UNC45B: variants seen among roughly 807,000 people sequenced by gnomAD.
The protein encoded by UNC45B is protein unc-45 homolog B.
UNC45B carries 78 observed loss-of-function variants against 98.7 expected under a neutral mutation model. The observed-to-expected ratio is 0.79, with a 90% CI of 0.66 to 0.95. The LOEUF (loss-of-function observed/expected upper bound fraction) is 0.95, where lower values mean the gene tolerates loss of function less well. Among genes scored for constraint, UNC45B ranks in the 40% least tolerant of loss-of-function variants. UNC45B has a pLI of 0.00. For synonymous variants in UNC45B, 462 were observed against 480.4 expected (o/e 0.96, Z 0.50); for missense variants, 1,225 against 1,184.9 (o/e 1.03, Z -0.50).
rs1362356584 is a variant in UNC45B at position 35,186,693 on chromosome 17, G to A, written c.*134G>A. ...AAGTCTCAATATAAAGGAAAGACTT[G>A]ATTGTTCTCTGAGTTGTGAGTCTTC... is the stretch of plus-strand genomic sequence containing the variant. On this transcript the variant is annotated 3_prime_UTR_variant, in exon 20 of 20. Coordinates refer to ENST00000394570, the MANE Select transcript of UNC45B (RefSeq NM_001267052.2). 3.8e-6 allele frequency: 4 copies of A among 1,051,312 alleles called. No homozygotes were observed. In the African/African-American group the frequency reaches 4.8e-5, roughly 13 times the overall value. The allele number at this position is 1,051,312 out of a possible 1,614,324, so 65.1% of individuals were successfully genotyped here. A position where few individuals can be genotyped will look rare whatever the true frequency, so the allele number is the denominator to read the frequency against.
chr17:35,174,512 G>GCT, intron 14 of UNC45B, 143 bp downstream of exon 14: 2 of 1,262,154 alleles, frequency 1.6e-6, no homozygotes, highest in Non-Finnish European at 2.2e-6. Flanking sequence ...AAGGTCTGAG[G>GCT]GGATCAGCTT....
chr17:35,176,827 G>A (rs929409963), intron 15 of UNC45B, among the ~76,000 whole-genome samples, 190 bp from the exon 16 acceptor site: 4 of 152,204 alleles, frequency 2.6e-5, no homozygotes, highest in African/African-American at 9.7e-5. Flanking sequence ...ACCTGAATGT[G>A]CACTGGGAAT....
chr17:35,174,535 T>C (rs531601353), intron 14 of UNC45B, among the ~76,000 whole-genome samples, 166 bp downstream of exon 14: 1 of 152,146 alleles, frequency 6.6e-6, no homozygotes, highest in South Asian at 2.1e-4. Flanking sequence ...AAAAGTGACA[T>C]GGGACCAGGG....
chr17:35,169,287 C>T (rs1171339842), intron 10 of UNC45B, among the ~76,000 whole-genome samples: 3 of 152,156 alleles, frequency 2.0e-5, no homozygotes, highest in Non-Finnish European at 4.4e-5. Flanking sequence ...GATCCACCCG[C>T]CTCGGCCTTC....
rs11654824 is a variant in UNC45B at position 35,186,318 on chromosome 17, T to A, written c.2549T>A (p.Ile850Asn). ...MTQVTTQWLE[I>N]LQRLCLHDQL... ...CTCCAGACAACCCAGTGGTTGGAGA[T>A]CCTCCAGCGGCTTTGCCTGCACGAC... is the stretch of plus-strand genomic sequence containing the variant. The change falls in exon 20 of 20, where the codon ATC (isoleucine) becomes AAC (asparagine). Residue 850 changes from isoleucine to asparagine, a missense_variant. By Grantham distance (149) the Ile-to-Asn change is moderately radical. Coordinates refer to ENST00000394570, the MANE Select transcript of UNC45B (RefSeq NM_001267052.2). The A allele has an allele frequency of 0.066, 106,841 of 1,613,960 alleles. 3,902 individuals carry two copies. Among genetic ancestry groups the A allele is most frequent in the Middle Eastern group, 0.09 (538 of 5,958 alleles).
chr17:35,171,117 T>A (rs547888485), intron 12 of UNC45B, among the ~76,000 whole-genome samples: 115 of 152,270 alleles, frequency 7.6e-4, no homozygotes, highest in Non-Finnish European at 1.2e-3. Flanking sequence ...TCAGAGCTAC[T>A]GTGGAGGGTG....
At chr17:35,164,248 A>G (rs2092123239) in intron 9 of UNC45B, 82 bp downstream of exon 9, 2 of 1,462,336 alleles carry the variant, frequency 1.4e-6, no homozygotes, top group Non-Finnish European at 1.8e-6. Flanking sequence ...AAAATTTAGC[A>G]GCTCAAACAA....
At chr17:35,175,109 G>GAA (rs1567766145) in intron 14 of UNC45B, among the ~76,000 whole-genome samples, 12 of 147,378 alleles carry the variant, frequency 8.1e-5, no homozygotes, top group African/African-American at 2.8e-4. Flanking sequence ...AAAAAGAAAA[G>GAA]AAAGAAAGGG....
At chr17:35,176,836 A>G (rs1597930399) in intron 15 of UNC45B, among the ~76,000 whole-genome samples, 181 bp from the exon 16 acceptor site, 1 of 152,330 alleles carries the variant, frequency 6.6e-6, no homozygotes, top group Non-Finnish European at 1.5e-5. Flanking sequence ...TGCACTGGGA[A>G]TCAAGAGGAG....
intron 17 of UNC45B, among the ~76,000 whole-genome samples, chr17:35,177,962 C>T (rs1267279582): frequency 6.6e-6 from 1 of 151,866 alleles, no homozygotes; most frequent in African/African-American, 2.4e-5. Flanking sequence ...TACAGTGGCA[C>T]TATCTCAGCT....
At chr17:35,173,125 C>CTTTTTTTTT (rs11428951) in intron 13 of UNC45B, among the ~76,000 whole-genome samples, 1 of 126,158 alleles carries the variant, frequency 7.9e-6, no homozygotes, top group Non-Finnish European at 1.6e-5. Context: ...AATTTTTATA[C>CTTTTTTTTT]TTTTTTTTTT....
At chr17:35,176,153 C>T (rs894531456) in intron 15 of UNC45B, 119 bp downstream of exon 15, 5 of 976,032 alleles carry the variant, frequency 5.1e-6, no homozygotes, top group Admixed American at 3.8e-5. Context: ...GTTATCTGCG[C>T]TGTCTGTGCT....
At position 35,164,074 on chromosome 17, in the gene UNC45B, G is replaced by T; in HGVS notation, c.1059G>T (p.Met353Ile). Residue 353 changes from methionine (M) to isoleucine (I), a missense_variant, in exon 9 of 20, where the codon ATG becomes ATT. Met to Ile is a conservative substitution (Grantham distance 10, BLOSUM62 1). Transcript: ENST00000394570. ...SCLPLTDNTR[M>I]LASILINKLY... The stretch of plus-strand genomic sequence containing the variant: ...TGCCCCTGACTGACAACACCCGCAT[G>T]CTGGCCTCTATCCTCATCAACAAGC... The T allele has an allele frequency of 6.2e-7, 1 of 1,614,130 alleles. No individual in the cohort carries two copies. The highest frequency in any genetic ancestry group is 8.5e-7 in the Non-Finnish European group (1 of 1,180,014).
intron 19 of UNC45B, among the ~76,000 whole-genome samples, chr17:35,185,201 A>G (rs2092296519): frequency 2.0e-5 from 3 of 152,154 alleles, no homozygotes. Context: ...CTGTCTACCC[A>G]TGTGCTTGTG....
At position 35,187,063 on chromosome 17, in the gene UNC45B, T is replaced by A. The variant is rs761830136; in HGVS notation, c.*504T>A. 3.8e-5 allele frequency: 6 copies of A among 156,694 alleles called. No individual in the cohort carries two copies. Among genetic ancestry groups the A allele is most frequent in the Non-Finnish European group, 7.1e-5 (5 of 70,384 alleles). The allele number at this position is 156,694 out of a possible 1,614,324, so 9.7% of individuals were successfully genotyped here. A position where few individuals can be genotyped will look rare whatever the true frequency, so the allele number is the denominator to read the frequency against. On this transcript the variant is annotated 3_prime_UTR_variant, in exon 20 of 20. Transcript: ENST00000394570. ...TTTCACCTGCAGTGCTCTGTCCCAG[T>A]CCCATGCCCATTCCCATCACTTCAC...
chr17:35,165,483 C>T lies in UNC45B; in HGVS notation c.1151+1317C>T, dbSNP rs2092132321. 2.0e-5 allele frequency among the ~76,000 whole-genome samples: 3 copies of T among 152,306 alleles called. No individual in the cohort carries two copies. In the South Asian group the frequency reaches 6.2e-4, roughly 32 times the overall value. On this transcript the variant is annotated intron_variant, in intron 9 of 19. Transcript: ENST00000394570. ...GGAAGCTGCATGCTTAAAAGCACTC[C>T]AGGTGAGTCTTAGGTGGGTGAAGAC...
chr17:35,155,228 C>G, intron 6 of UNC45B, 68 bp from the exon 7 acceptor site: 1 of 1,578,710 alleles, frequency 6.3e-7, no homozygotes. Flanking sequence ...ATCACACCCT[C>G]TCTAACCTGC....
chr17:35,188,952 C>A lies in UNC45B; in HGVS notation c.*2393C>A, dbSNP rs79292468. On this transcript the variant is annotated 3_prime_UTR_variant, in exon 20 of 20. Transcript: ENST00000394570. ...TTCTTTGCAGATTTCTTTTTTTTTT[C>A]ATCTATGCTTTCAAATAGGCAGATG... 3 of 150,130 alleles carry A rather than the reference C, an allele frequency of 2.0e-5. No individual in the cohort carries two copies. Among genetic ancestry groups the A allele is most frequent in the Admixed American group, 1.3e-4 (2 of 15,104 alleles). The allele number at this position is 150,130 out of a possible 1,614,324, so 9.3% of individuals were successfully genotyped here. A position where few individuals can be genotyped will look rare whatever the true frequency, so the allele number is the denominator to read the frequency against.
intron 3 of UNC45B, 145 bp from the exon 4 acceptor site, chr17:35,149,903 A>G: frequency 1.3e-6 from 1 of 780,758 alleles, no homozygotes; most frequent in Non-Finnish European, 1.9e-6. Flanking sequence ...AGGGGAGGTA[A>G]GGGCCAGAGA....
Sources: allele counts gnomAD v4.1 joint callset (sites outside exome capture counted in the v4.1 genomes callset), GRCh38; gene constraint gnomAD v4.1.1; transcripts MANE v1.5; gene names NCBI Gene and HGNC (gene_info 2026-07-23, HGNC 2026-07-21).